The following RP1 variants were observed in gnomAD, a reference collection of about 807,000 sequenced individuals.
RP1 encodes RP1 axonemal microtubule associated.
In RP1, 16 loss-of-function variants were observed where a neutral mutation model predicts 14.8. The observed-to-expected ratio is 1.08, with a 90% CI of 0.73 to 1.65. The LOEUF (loss-of-function observed/expected upper bound fraction) is 1.65. Ranked by LOEUF, RP1 falls within the 40% of genes most tolerant of loss-of-function variation. The pLI is 0.00. For missense variants in RP1, 2,631 were observed against 2,535.0 expected (o/e 1.04, Z -0.81); for synonymous variants, 876 against 883.6 (o/e 0.99, Z 0.15).
chr8:54,857,168 G>A (rs560119163), intron 27 of RP1: 7 of 594,714 alleles, frequency 1.2e-5, no homozygotes, highest in African/African-American at 1.9e-5. Flanking sequence ...CGTATAAGAA[G>A]CAGGTGAAAG....
intron 15 of RP1, among the ~76,000 whole-genome samples, chr8:54,719,353 A>AAG (rs1808482507): frequency 1.3e-5 from 2 of 152,160 alleles, no homozygotes; most frequent in Admixed American, 6.5e-5. Flanking sequence ...GCGAGAGAGA[A>AAG]AGAGAGAGAG....
At chr8:54,693,558 A>G (rs370400256) in intron 12 of RP1, among the ~76,000 whole-genome samples, 1 of 151,944 alleles carries the variant, frequency 6.6e-6, no homozygotes, top group Non-Finnish European at 1.5e-5. Flanking sequence ...GAATTCCTAG[A>G]TATTTTATTC....
intron 21 of RP1, among the ~76,000 whole-genome samples, chr8:54,757,832 C>G (rs1393954317): frequency 6.6e-6 from 1 of 152,176 alleles, no homozygotes; most frequent in Non-Finnish European, 1.5e-5. Flanking sequence ...GCTGAGAATG[C>G]AGGACAGTGA....
chr8:54,713,123 G>A (rs529204149), intron 15 of RP1, among the ~76,000 whole-genome samples: 1 of 151,924 alleles, frequency 6.6e-6, no homozygotes, highest in African/African-American at 2.4e-5. Flanking sequence ...AACATTAATG[G>A]TTCCAACATG....
intron 12 of RP1, chr8:54,699,406 T>C: frequency 1.5e-6 from 1 of 663,026 alleles, no homozygotes; most frequent in Admixed American, 3.6e-5. Flanking sequence ...TCAGTATATA[T>C]TGAATGAAAA....
intron 1 of RP1, among the ~76,000 whole-genome samples, chr8:54,581,665 C>T (rs1256697264): frequency 1.3e-5 from 2 of 152,108 alleles, no homozygotes; most frequent in Non-Finnish European, 2.9e-5. Flanking sequence ...TCTCCAGCAC[C>T]TGTTGTTTCC....
intron 15 of RP1, among the ~76,000 whole-genome samples, chr8:54,714,402 T>C (rs1808355853): frequency 6.6e-6 from 1 of 152,154 alleles, no homozygotes; most frequent in African/African-American, 2.4e-5. Context: ...ATGGATAACA[T>C]CACTATTGTA....
intron 26 of RP1, among the ~76,000 whole-genome samples, chr8:54,853,252 G>A (rs1242976120): frequency 6.6e-6 from 1 of 152,188 alleles, no homozygotes; most frequent in Non-Finnish European, 1.5e-5. Context: ...CACTTGAAAA[G>A]TGGCGATAGT....
At chr8:54,818,913 G>T (rs1438988197) in intron 24 of RP1, among the ~76,000 whole-genome samples, 2 of 152,070 alleles carry the variant, frequency 1.3e-5, no homozygotes, top group African/African-American at 4.8e-5. Flanking sequence ...TTAAGTAGGG[G>T]CAGAAAAGAG....
At chr8:54,850,403 C>T (rs1032145094) in intron 25 of RP1, among the ~76,000 whole-genome samples, 7 of 152,208 alleles carry the variant, frequency 4.6e-5, no homozygotes, top group South Asian at 4.1e-4. Flanking sequence ...TGAGCTCCCC[C>T]AGGAGTTCAT....
In RP1 at chr8:54,622,258, A is replaced by G; in HGVS notation, c.757A>G (p.Lys253Glu). The G allele has an allele frequency of 2.5e-6, 4 of 1,614,122 alleles. No individual in the cohort carries two copies. Among genetic ancestry groups the G allele is most frequent in the Non-Finnish European group, 3.4e-6 (4 of 1,180,010 alleles). ...LPGISQRVYP[K>E]GNAKSESRKI... ...AGGGATCTCTCAGCGTGTGTACCCCAAGGGAAATGCAAAGTCAGAAAGCAG... is the reference window on the plus strand; with the variant it reads ...AGGGATCTCTCAGCGTGTGTACCCCGAGGGAAATGCAAAGTCAGAAAGCAG... The change falls in exon 3 of 4, where the codon AAG becomes GAG. Residue 253 changes from lysine (K) to glutamate (E), a missense_variant. By Grantham distance (56) the Lys-to-Glu change is moderately conservative. Transcript: ENST00000220676.
At chr8:54,828,174 C>T (rs995087148) in intron 24 of RP1, among the ~76,000 whole-genome samples, 6 of 152,120 alleles carry the variant, frequency 3.9e-5, no homozygotes, top group African/African-American at 1.2e-4. Flanking sequence ...TGGAAATATA[C>T]TCTAAAATAA....
At chr8:54,755,027 T>C (rs932197754) in intron 20 of RP1, 2 of 1,305,864 alleles carry the variant, frequency 1.5e-6, no homozygotes, top group African/African-American at 3.0e-5. Flanking sequence ...TTACAGAATA[T>C]TTTTCCTGCT....
chr8:54,614,880 A>T (rs543944546), upstream of RP1, among the ~76,000 whole-genome samples: 8 of 152,318 alleles, frequency 5.3e-5, no homozygotes, highest in South Asian at 1.2e-3. Flanking sequence ...GAACTGATCA[A>T]TGTGAATTGT....
At position 54,674,013 on chromosome 8, in the gene RP1, G is replaced by T. The variant is rs371539578; in HGVS notation, c.1402+85G>T. On this transcript the variant is annotated intron_variant, in intron 8 of 22. Coordinates refer to the RP1 transcript ENST00000636932. ...CTGTTCAAATCTAGAAAATACTGTG[G>T]AAAATTGGTAGAAAATGGATCTCTA... The T allele has an allele frequency of 1.2e-5, 13 of 1,072,656 alleles. No homozygotes were observed. In the African/African-American group the frequency reaches 1.4e-4, roughly 12 times the overall value. The allele number at this position is 1,072,656 out of a possible 1,614,324, so 66.4% of individuals were successfully genotyped here. A position where few individuals can be genotyped will look rare whatever the true frequency, so the allele number is the denominator to read the frequency against.
intron 21 of RP1, among the ~76,000 whole-genome samples, chr8:54,756,210 A>G (rs1202173470): frequency 6.6e-6 from 1 of 152,192 alleles, no homozygotes; most frequent in African/African-American, 2.4e-5. Context: ...TTATTTTCAC[A>G]CCTAAGCCCC....
intron 15 of RP1, among the ~76,000 whole-genome samples, chr8:54,715,592 G>C (rs1016604215): frequency 4.6e-5 from 7 of 152,176 alleles, no homozygotes; most frequent in African/African-American, 1.4e-4. Flanking sequence ...TGTGGTTCAG[G>C]TGTTTCTGCG....
intron 1 of RP1, among the ~76,000 whole-genome samples, chr8:54,580,119 C>G (rs889266551): frequency 4.8e-5 from 7 of 147,186 alleles, no homozygotes; most frequent in Non-Finnish European, 8.9e-5. Context: ...CTTGAAGCCC[C>G]CAGGAAATGC....
At chr8:54,755,582 T>C (rs1809484813) in intron 20 of RP1, 1 of 1,531,722 alleles carries the variant, frequency 6.5e-7, no homozygotes, top group Non-Finnish European at 8.7e-7. Flanking sequence ...CAAGGTAATG[T>C]ATTTCCTCTT....
Sources: gnomAD v4.1 joint callset for allele counts (sites outside exome capture counted in the v4.1 genomes callset) on GRCh38, gnomAD v4.1.1 for gene constraint, MANE v1.5 for transcripts, NCBI Gene and HGNC (gene_info 2026-07-23, HGNC 2026-07-21) for gene names.